The following C8A variants were observed in gnomAD, a reference collection of about 807,000 sequenced individuals.
C8A encodes the protein complement C8 alpha chain, also known as complement component C8 alpha chain.
C8A carries 67 observed loss-of-function variants against 65.3 expected under a neutral mutation model. The ratio of observed to expected loss-of-function variants is 1.03; its 90% confidence interval spans 0.84 to 1.26. The LOEUF (loss-of-function observed/expected upper bound fraction) is 1.26. Ranked by LOEUF, C8A falls within the 50% of genes most tolerant of loss-of-function variation. C8A has a pLI of 0.00. For missense variants in C8A, 781 were observed against 723.9 expected (o/e 1.08, Z -0.90); for synonymous variants, 290 against 259.4 (o/e 1.12, Z -1.13).
chr1:56,906,768 A>G lies in C8A; in HGVS notation c.1198A>G (p.Lys400Glu). The part of the protein sequence containing the change: ...VGGGLSGDHC[K>E]KFGGGKTERA... ...TGGAGGTTTATCAGGAGACCATTGT[A>G]AAAAATTTGGAGGTGGCAAAACTGG... is the stretch of plus-strand genomic sequence containing the variant. Residue 400 changes from lysine to glutamate, a missense_variant, in exon 8 of 11, where the codon AAA (lysine) becomes GAA (glutamate). Coordinates refer to ENST00000361249, the MANE Select transcript of C8A (RefSeq NM_000562.3). 3 of 1,614,108 alleles carry G rather than the reference A, an allele frequency of 1.9e-6. No individual in the cohort carries two copies. Among genetic ancestry groups the G allele is most frequent in the Non-Finnish European group, 1.7e-6 (2 of 1,179,974 alleles).
At chr1:56,895,212 A>C (rs1265801436) in intron 7 of C8A, among the ~76,000 whole-genome samples, 1 of 152,104 alleles carries the variant, frequency 6.6e-6, no homozygotes, top group Non-Finnish European at 1.5e-5. Flanking sequence ...CTGATACTAT[A>C]TGTGAGAGGC....
chr1:56,868,730 G>A (rs370873285), intron 2 of C8A, among the ~76,000 whole-genome samples: 28 of 152,072 alleles, frequency 1.8e-4, no homozygotes, highest in East Asian at 5.8e-4. Context: ...TTCCCCACTC[G>A]GCATACCACT....
intron 10 of C8A, 75 bp from the exon 11 acceptor site, chr1:56,917,490 C>T: frequency 6.6e-7 from 1 of 1,521,190 alleles, no homozygotes. Flanking sequence ...ACACCCCTCC[C>T]TGTTCATCAC....
intron 9 of C8A, among the ~76,000 whole-genome samples, chr1:56,911,065 G>GT (rs11325191): frequency 0.6 from 85,635 of 141,806 alleles, 26,450 homozygotes; most frequent in East Asian, 0.76. Flanking sequence ...AAAAACATGG[G>GT]TTTTTTTTTT....
intron 2 of C8A, among the ~76,000 whole-genome samples, chr1:56,871,054 G>C (rs913113068): frequency 6.6e-6 from 1 of 152,222 alleles, no homozygotes; most frequent in South Asian, 2.1e-4. Context: ...AGAAAATAGG[G>C]AATCAATGGG....
chr1:56,907,884 T>A, intron 8 of C8A, 72 bp from the exon 9 acceptor site: 1 of 1,520,980 alleles, frequency 6.6e-7, no homozygotes, highest in Non-Finnish European at 9.1e-7. Context: ...CAAATCTCAT[T>A]AGTGGGGTTT....
intron 7 of C8A, among the ~76,000 whole-genome samples, chr1:56,895,210 A>G (rs755730917): frequency 2.0e-5 from 3 of 152,096 alleles, no homozygotes; most frequent in Non-Finnish European, 4.4e-5. Flanking sequence ...TTCTGATACT[A>G]TATGTGAGAG....
chr1:56,901,504 T>A (rs1193512135), intron 7 of C8A, among the ~76,000 whole-genome samples: 4 of 152,024 alleles, frequency 2.6e-5, no homozygotes. Flanking sequence ...GAAGACATGG[T>A]GGCCAGACTC....
At chr1:56,889,326 T>C (rs1570338189) in intron 7 of C8A, among the ~76,000 whole-genome samples, 1 of 152,142 alleles carries the variant, frequency 6.6e-6, no homozygotes, top group Admixed American at 6.6e-5. Context: ...AACAAAAATA[T>C]CTACCTTCTT....
chr1:56,911,653 C>T (rs1052438362), intron 9 of C8A, among the ~76,000 whole-genome samples: 2 of 152,194 alleles, frequency 1.3e-5, no homozygotes, highest in African/African-American at 2.4e-5. Flanking sequence ...CCCACTCCTG[C>T]CAGTAAAGAA....
At chr1:56,892,528 C>T (rs1484283004) in intron 7 of C8A, among the ~76,000 whole-genome samples, 1 of 152,052 alleles carries the variant, frequency 6.6e-6, no homozygotes, top group African/African-American at 2.4e-5. Context: ...CTGTCTCTCC[C>T]CTCTCTCCCC....
rs575152750 is a variant in C8A, at chr1:56,917,489, C to T, written c.1604-76C>T. On this transcript the variant is annotated intron_variant, in intron 10 of 10. Coordinates refer to ENST00000361249, the MANE Select transcript of C8A (RefSeq NM_000562.3). ...CTCCCAAGGGTGCCACACACCCCTC[C>T]CTGTTCATCACCAGACAGGCCCTTC... The T allele has an allele frequency of 2.4e-5, 37 of 1,514,022 alleles. No homozygotes were observed. In the South Asian group the frequency reaches 4.2e-4, roughly 17 times the overall value. The allele number at this position is 1,514,022 out of a possible 1,614,324, so 93.8% of individuals were successfully genotyped here.
chr1:56,885,568 TG>T (rs1422160780), intron 6 of C8A, among the ~76,000 whole-genome samples: 3 of 148,280 alleles, frequency 2.0e-5, no homozygotes, highest in South Asian at 2.1e-4. Flanking sequence ...TTTTTTTGTT[TG>T]TTTTTTTTTT....
At chr1:56,902,791 G>A (rs1284159651) in intron 7 of C8A, among the ~76,000 whole-genome samples, 2 of 152,058 alleles carry the variant, frequency 1.3e-5, no homozygotes, top group African/African-American at 4.8e-5. Flanking sequence ...TATCCTCAAG[G>A]TTCAATCGCA....
chr1:56,898,845 C>A (rs1401942599), intron 7 of C8A, among the ~76,000 whole-genome samples: 1 of 152,110 alleles, frequency 6.6e-6, no homozygotes, highest in Non-Finnish European at 1.5e-5. Context: ...CCTAACACTG[C>A]AGAGTCAGGG....
intron 9 of C8A, 64 bp from the exon 10 acceptor site, chr1:56,912,339 T>C: frequency 1.3e-6 from 2 of 1,510,748 alleles, no homozygotes; most frequent in Non-Finnish European, 1.8e-6. Context: ...GGTGGCCGGT[T>C]CTTGGGCTCT....
At chr1:56,890,822 C>T (rs187684702) in intron 7 of C8A, among the ~76,000 whole-genome samples, 4 of 152,174 alleles carry the variant, frequency 2.6e-5, no homozygotes, top group African/African-American at 9.6e-5. Context: ...TCAGAGAGAC[C>T]TTTCCTGACC....
chr1:56,890,161 G>C (rs1364471057), intron 7 of C8A, among the ~76,000 whole-genome samples: 2 of 152,100 alleles, frequency 1.3e-5, no homozygotes, highest in African/African-American at 4.8e-5. Flanking sequence ...TGTTCAGCTG[G>C]ATATTCCTGG....
chr1:56,917,538 C>T lies in C8A; in HGVS notation c.1604-27C>T, dbSNP rs372303519. 2.0e-4 allele frequency: 321 copies of T among 1,613,790 alleles called. 1 individual carries two copies. Among genetic ancestry groups the T allele is most frequent in the South Asian group, 6.3e-4 (57 of 91,044 alleles). ...TCCTTCTTAGCCATATGCTAACCTT[C>T]TCCTCCCTGGGAAATTTCCTCTGCA... is the stretch of plus-strand genomic sequence containing the variant. On this transcript the variant is annotated intron_variant, in intron 10 of 10. Transcript: ENST00000361249.
Sources: gnomAD v4.1 joint callset for allele counts (sites outside exome capture counted in the v4.1 genomes callset) on GRCh38, gnomAD v4.1.1 for gene constraint, MANE v1.5 for transcripts, NCBI Gene and HGNC (gene_info 2026-07-23, HGNC 2026-07-21) for gene names.